SH3GL3: variants seen among roughly 807,000 people sequenced by gnomAD.
The protein encoded by SH3GL3 is SH3 domain containing GRB2 like 3, endophilin A3.
In SH3GL3, 33 loss-of-function variants were observed where a neutral mutation model predicts 47.7. That is an observed-to-expected ratio of 0.69 (90% CI 0.52 to 0.92). The LOEUF (loss-of-function observed/expected upper bound fraction) is 0.92, where lower values mean the gene tolerates loss of function less well. Ranked by LOEUF, SH3GL3 falls within the 40% of genes least tolerant of loss-of-function variation. The pLI is 0.00. For missense variants in SH3GL3, 363 were observed against 417.8 expected (o/e 0.87, Z 1.14); for synonymous variants, 155 against 148.8 (o/e 1.04, Z -0.30).
At chr15:83,607,568 G>C (rs1000012698) in intron 8 of SH3GL3, among the ~76,000 whole-genome samples, 37 of 152,294 alleles carry the variant, frequency 2.4e-4, no homozygotes, top group African/African-American at 7.0e-4. Flanking sequence ...CTTTCTGAAG[G>C]GGGTGGCCGA....
At chr15:83,608,389 G>T (rs1244750998) in intron 8 of SH3GL3, among the ~76,000 whole-genome samples, 1 of 152,098 alleles carries the variant, frequency 6.6e-6, no homozygotes, top group African/African-American at 2.4e-5. Context: ...TGTCCAGTGC[G>T]CTCTTACCCA....
intron 8 of SH3GL3, among the ~76,000 whole-genome samples, chr15:83,597,398 A>G (rs191876298): frequency 6.6e-6 from 1 of 152,216 alleles, no homozygotes; most frequent in East Asian, 1.9e-4. Context: ...ACATCGTCAC[A>G]TTCCCTTTCG....
chr15:83,594,747 T>C (rs949228542), intron 8 of SH3GL3, among the ~76,000 whole-genome samples: 5 of 152,336 alleles, frequency 3.3e-5, no homozygotes, highest in Admixed American at 1.3e-4. Flanking sequence ...ACTGGAGTTA[T>C]GAGTTTCTGG....
rs913680894 is a variant in SH3GL3, at chr15:83,587,021, A to G, written c.663A>G (p.Ala221=). Residue 221 remains alanine (A), a synonymous_variant, in exon 7 of 9, where the codon GCA becomes GCG. Coordinates refer to ENST00000427482, the MANE Select transcript of SH3GL3 (RefSeq NM_003027.5). ...QVSQLAVFIE[A]ALDYHRQSTE... is the part of the protein sequence containing the mutation. ...GCCAGTTGGCTGTGTTCATAGAGGC[A>G]GCATTAGACTATCACAGACAGTCCA... The G allele has an allele frequency of 1.9e-6, 3 of 1,610,790 alleles. No homozygotes were observed. Among genetic ancestry groups the G allele is most frequent in the African/African-American group, 1.3e-5 (1 of 74,726 alleles).
chr15:83,511,676 C>T (rs2042757243), intron 1 of SH3GL3, among the ~76,000 whole-genome samples: 3 of 152,164 alleles, frequency 2.0e-5, no homozygotes, highest in African/African-American at 7.2e-5. Flanking sequence ...TTGGGCTCTA[C>T]AGCATCTCAG....
chr15:83,589,251 C>CACCT (rs2060031070), intron 8 of SH3GL3, among the ~76,000 whole-genome samples: 1 of 152,152 alleles, frequency 6.6e-6, no homozygotes, highest in Non-Finnish European at 1.5e-5. Context: ...CTCTTGTGAT[C>CACCT]ACCTACACCA....
chr15:83,534,397 T>TCTCTCTCC (rs574413235), intron 1 of SH3GL3, among the ~76,000 whole-genome samples: 3 of 152,182 alleles, frequency 2.0e-5, no homozygotes, highest in South Asian at 2.1e-4. Context: ...TGTCTTCCCC[T>TCTCTCTCC]CTCTCTCCCT....
chr15:83,569,145 C>T (rs2045697116), intron 4 of SH3GL3, among the ~76,000 whole-genome samples: 1 of 152,148 alleles, frequency 6.6e-6, no homozygotes, highest in South Asian at 2.1e-4. Flanking sequence ...GATCCGCCTG[C>T]CTCGGCCTCC....
chr15:83,475,554 A>G (rs1461008318), intron 1 of SH3GL3, among the ~76,000 whole-genome samples: 1 of 152,206 alleles, frequency 6.6e-6, no homozygotes, highest in Non-Finnish European at 1.5e-5. Context: ...CCCATCCTGG[A>G]TCTCTGCTAT....
intron 1 of SH3GL3, among the ~76,000 whole-genome samples, chr15:83,460,738 T>C (rs2040252277): frequency 6.6e-6 from 1 of 151,974 alleles, no homozygotes; most frequent in South Asian, 2.1e-4. Flanking sequence ...TGTATAAGAG[T>C]CTGATGGTCT....
At chr15:83,610,981 AT>A (rs1490793339) in intron 8 of SH3GL3, among the ~76,000 whole-genome samples, 1 of 46,442 alleles carries the variant, frequency 2.2e-5, no homozygotes, top group Non-Finnish European at 6.3e-5. Flanking sequence ...CAGCCAAAAA[AT>A]ATATATATAT....
chr15:83,550,189 C>G (rs780842002), intron 1 of SH3GL3, among the ~76,000 whole-genome samples: 1 of 152,174 alleles, frequency 6.6e-6, no homozygotes, highest in Non-Finnish European at 1.5e-5. Flanking sequence ...CAGAGCATGA[C>G]TGCCAACTGG....
chr15:83,497,527 C>T (rs1596111224), intron 1 of SH3GL3, among the ~76,000 whole-genome samples: 1 of 152,148 alleles, frequency 6.6e-6, no homozygotes, highest in South Asian at 2.1e-4. Flanking sequence ...TCTTTATTCC[C>T]ACATTCATCC....
chr15:83,475,335 C>T (rs890926869), intron 1 of SH3GL3, among the ~76,000 whole-genome samples: 5 of 151,610 alleles, frequency 3.3e-5, no homozygotes, highest in African/African-American at 1.2e-4. Context: ...AAAAATTAAC[C>T]GGGCGGGGTG....
chr15:83,568,600 C>A lies in SH3GL3; in HGVS notation c.259C>A (p.Pro87Thr). The A allele has an allele frequency of 6.2e-7, 1 of 1,613,368 alleles. No individual in the cohort carries two copies. The highest frequency in any genetic ancestry group is 8.5e-7 in the Non-Finnish European group (1 of 1,179,338). ...IRGQVKTTGY[P>T]QTEGLLGDCM... ...AGGGCAGGTGAAGACCACAGGATAC[C>A]CGCAGACGGAAGGCTTGCTGGGGGA... Residue 87 changes from proline to threonine, a missense_variant, in exon 4 of 9, where the codon CCG becomes ACG. By Grantham distance (38) the Pro-to-Thr change is conservative. Coordinates refer to ENST00000427482, the MANE Select transcript of SH3GL3 (RefSeq NM_003027.5).
intron 1 of SH3GL3, among the ~76,000 whole-genome samples, chr15:83,550,592 G>A (rs978231843): frequency 1.2e-4 from 19 of 152,166 alleles, no homozygotes; most frequent in African/African-American, 4.6e-4. Flanking sequence ...GTTTCACCAT[G>A]TTGGCCAGGC....
chr15:83,553,248 G>T (rs1052019930), intron 1 of SH3GL3, among the ~76,000 whole-genome samples: 1 of 152,158 alleles, frequency 6.6e-6, no homozygotes, highest in Non-Finnish European at 1.5e-5. Flanking sequence ...GCTCTTGTCT[G>T]ATATTACTGC....
chr15:83,589,174 A>G lies in SH3GL3; in HGVS notation c.838+403A>G, dbSNP rs574495010. Among the ~76,000 whole-genome samples the G allele has an allele frequency of 3.3e-4, 50 of 152,314 alleles. No individual in the cohort carries two copies. The Middle Eastern group carries it at 0.01, about 31-fold the overall frequency. ...AATGTGTCTTTTAGTAAAATAATCA[A>G]ACAGAAAAAAATTGGTAAAATAATC... On this transcript the variant is annotated intron_variant, in intron 8 of 8. Transcript: ENST00000427482.
chr15:83,457,109 A>G (rs1439998449), intron 1 of SH3GL3, among the ~76,000 whole-genome samples: 1 of 152,240 alleles, frequency 6.6e-6, no homozygotes, highest in Non-Finnish European at 1.5e-5. Context: ...TTGTTGAAGA[A>G]GGAAGTTCAG....
Sources: gnomAD v4.1 joint callset for allele counts (sites outside exome capture counted in the v4.1 genomes callset) on GRCh38, gnomAD v4.1.1 for gene constraint, MANE v1.5 for transcripts, NCBI Gene and HGNC (gene_info 2026-07-23, HGNC 2026-07-21) for gene names.